Variants in GPR137B observed in about 807,000 individuals in gnomAD.
GPR137B encodes the protein integral membrane protein GPR137B.
A neutral mutation model predicts 42.5 loss-of-function variants in GPR137B; 42 were observed. The observed-to-expected ratio is 0.99, with a 90% CI of 0.77 to 1.28. The LOEUF (loss-of-function observed/expected upper bound fraction) is 1.28, where lower values mean the gene tolerates loss of function less well. GPR137B is among the 50% of genes most tolerant of loss of function. The pLI, the probability that GPR137B is intolerant of heterozygous loss-of-function variation, is 0.00. For synonymous variants in GPR137B, 218 were observed against 209.7 expected (o/e 1.04, Z -0.34); for missense variants, 487 against 493.9 (o/e 0.99, Z 0.13).
chr1:236,157,967 A>G (rs1558480889), intron 1 of GPR137B, among the ~76,000 whole-genome samples: 1 of 152,226 alleles, frequency 6.6e-6, no homozygotes, highest in African/African-American at 2.4e-5. Context: ...GTGCAAAACC[A>G]TACTGGACGG....
At position 236,155,698 on chromosome 1, in the gene GPR137B, G is replaced by A. The variant is rs541067114; in HGVS notation, c.414+12662G>A. 3.9e-5 allele frequency among the ~76,000 whole-genome samples: 6 copies of A among 152,294 alleles called. No homozygotes were observed. The highest frequency in any genetic ancestry group is 1.2e-4 in the African/African-American group (5 of 41,580). ...ATGAGGCTCAGGGAGGCTCTCGTGA[G>A]CCGATGGAGGGGTGGAGGAGGGGAG... On this transcript the variant is annotated intron_variant, in intron 1 of 6. Transcript: ENST00000366592. This position sits in a 1 kb window ranked among gnomAD's most constrained non-coding sequence, Gnocchi z 4.6.
chr1:236,176,518 C>T (rs538243228), intron 2 of GPR137B, among the ~76,000 whole-genome samples: 1 of 152,254 alleles, frequency 6.6e-6, no homozygotes, highest in Admixed American at 6.5e-5. Flanking sequence ...ATCTTCATCC[C>T]ACTCTCTCAG....
At chr1:236,172,196 C>T (rs1262715966) in intron 2 of GPR137B, among the ~76,000 whole-genome samples, 1 of 152,182 alleles carries the variant, frequency 6.6e-6, no homozygotes. Context: ...CCTGTGTAGG[C>T]ACATCTTTAG....
At chr1:236,149,660 T>C (rs886599812) in intron 1 of GPR137B, among the ~76,000 whole-genome samples, 4 of 152,244 alleles carry the variant, frequency 2.6e-5, no homozygotes, top group African/African-American at 9.6e-5. Context: ...GGGAAGCTTC[T>C]AGGCCTTTTG....
chr1:236,176,049 G>C (rs1378590549), intron 2 of GPR137B, among the ~76,000 whole-genome samples: 5 of 152,132 alleles, frequency 3.3e-5, no homozygotes, highest in African/African-American at 1.2e-4. Context: ...TAGGCACTTA[G>C]TGGGAGCCCG....
chr1:236,150,092 T>G lies in GPR137B; in HGVS notation c.414+7056T>G, dbSNP rs759566791. On this transcript the variant is annotated intron_variant, in intron 1 of 6. Coordinates refer to ENST00000366592, the MANE Select transcript of GPR137B (RefSeq NM_003272.4). This position sits in a 1 kb window ranked among gnomAD's most constrained non-coding sequence, Gnocchi z 6.2. ...GTGGGTCTCTGAGTGTCTGTGCATG[T>G]GTGTGTCTGTGCCTGTGTATGTCTG... Among the ~76,000 whole-genome samples the G allele has an allele frequency of 6.7e-6, 1 of 149,364 alleles. No homozygotes were observed. The highest frequency in any genetic ancestry group is 1.5e-5 in the Non-Finnish European group (1 of 67,180).
rs1663713841 is a variant in GPR137B at position 236,208,033 on chromosome 1, A to G, written c.1092-17A>G. ...ATATAATGTTTCAAGTCACTGAAATATTTTTTTCTTTTTAAGTTTTGCTCC... is the reference window on the plus strand; with the variant it reads ...ATATAATGTTTCAAGTCACTGAAATGTTTTTTTCTTTTTAAGTTTTGCTCC... On this transcript the variant is annotated splice_polypyrimidine_tract_variant and intron_variant, in intron 6 of 6. Coordinates refer to ENST00000366592, the MANE Select transcript of GPR137B (RefSeq NM_003272.4). The G allele has an allele frequency of 6.3e-7, 1 of 1,582,792 alleles. No homozygotes were observed. Among genetic ancestry groups the G allele is most frequent in the Admixed American group, 1.7e-5 (1 of 59,892 alleles).
intron 5 of GPR137B, among the ~76,000 whole-genome samples, chr1:236,187,935 C>T (rs1338413067): frequency 6.6e-6 from 1 of 152,136 alleles, no homozygotes; most frequent in Non-Finnish European, 1.5e-5. Flanking sequence ...TGGCCATTTT[C>T]ACAATATTGA....
At chr1:236,201,541 A>G (rs1380149005) in intron 5 of GPR137B, among the ~76,000 whole-genome samples, 1 of 151,684 alleles carries the variant, frequency 6.6e-6, no homozygotes, top group Non-Finnish European at 1.5e-5. Context: ...TTTCTTTTCT[A>G]CTTGATTCTA....
At chr1:236,200,715 C>G (rs1365624501) in intron 5 of GPR137B, among the ~76,000 whole-genome samples, 1 of 151,858 alleles carries the variant, frequency 6.6e-6, no homozygotes, top group Non-Finnish European at 1.5e-5. Context: ...ACCCCTTTAC[C>G]TTAAGTTTAT....
chr1:236,148,309 A>T (rs1278516085), intron 1 of GPR137B, among the ~76,000 whole-genome samples: 4 of 152,228 alleles, frequency 2.6e-5, no homozygotes, highest in Non-Finnish European at 5.9e-5. Context: ...CTGCAGGGGC[A>T]GAAGTTGATG....
intron 6 of GPR137B, chr1:236,207,037 TAAA>T (rs1188038008): frequency 2.0e-6 from 1 of 511,074 alleles, no homozygotes; most frequent in African/African-American, 2.1e-5. Context: ...GATGAAATGA[TAAA>T]AAATATATGC....
rs1414335164 is a variant in GPR137B at position 236,150,959 on chromosome 1, C to G, written c.414+7923C>G. On this transcript the variant is annotated intron_variant, in intron 1 of 6. Transcript: ENST00000366592. The surrounding 1 kb of genome is among the most constrained non-coding windows in gnomAD (Gnocchi z 6.2). ...AGGGGTCATGACAGTGAGGGGTGGGCTGCCCAGAGAGGAACATTTGCAAGA... is the reference window on the plus strand; with the variant it reads ...AGGGGTCATGACAGTGAGGGGTGGGGTGCCCAGAGAGGAACATTTGCAAGA... 6.6e-6 allele frequency among the ~76,000 whole-genome samples: 1 copy of G among 152,150 alleles called. No homozygotes were observed. Among genetic ancestry groups the G allele is most frequent in the Non-Finnish European group, 1.5e-5 (1 of 68,032 alleles).
intron 1 of GPR137B, among the ~76,000 whole-genome samples, chr1:236,160,246 C>T (rs1347384001): frequency 1.3e-5 from 2 of 152,154 alleles, no homozygotes; most frequent in Non-Finnish European, 2.9e-5. Flanking sequence ...CGGGGGAAGC[C>T]CTGAAAAACC....
chr1:236,158,860 C>T (rs905384299), intron 1 of GPR137B, among the ~76,000 whole-genome samples: 1 of 152,194 alleles, frequency 6.6e-6, no homozygotes, highest in Admixed American at 6.5e-5. Flanking sequence ...AGTAAAATGG[C>T]TGCAGAGATT....
chr1:236,192,775 G>C (rs1217133288), intron 5 of GPR137B, among the ~76,000 whole-genome samples: 2 of 145,302 alleles, frequency 1.4e-5, no homozygotes, highest in Non-Finnish European at 3.1e-5. Flanking sequence ...GACTGGAGCT[G>C]TTCCTATTCG....
At position 236,208,134 on chromosome 1, in the gene GPR137B, T is replaced by A; in HGVS notation, c.1176T>A (p.Asp392Glu). 3 of 1,613,940 alleles carry A rather than the reference T, an allele frequency of 1.9e-6. No individual in the cohort carries two copies. Among genetic ancestry groups the A allele is most frequent in the Non-Finnish European group, 1.7e-6 (2 of 1,179,828 alleles). ...GAACTTTGCAAGACTCAACTTTGGA[T>A]CCTGACAAACCAAGCCTTGGGTAGC... ...QAGTLQDSTL[D>E]PDKPSLG is the part of the protein sequence containing the mutation. Residue 392 changes from aspartate to glutamate, a missense_variant, in exon 7 of 7, where the codon GAT becomes GAA. Asp to Glu is a conservative substitution (Grantham distance 45). Coordinates refer to ENST00000366592, the MANE Select transcript of GPR137B (RefSeq NM_003272.4).
chr1:236,151,033 A>G (rs142998519), intron 1 of GPR137B, among the ~76,000 whole-genome samples: 8 of 152,182 alleles, frequency 5.3e-5, no homozygotes, highest in African/African-American at 1.7e-4. Flanking sequence ...GGGTTTTGCA[A>G]ACAACAAAGT....
At chr1:236,178,666 C>A in intron 3 of GPR137B, 30 bp downstream of exon 3, 2 of 1,327,586 alleles carry the variant, frequency 1.5e-6, no homozygotes, top group Admixed American at 1.7e-5. Flanking sequence ...AGATCCCTCC[C>A]ATGAAACGTG....
Sources: allele counts gnomAD v4.1 joint callset (sites outside exome capture counted in the v4.1 genomes callset), GRCh38; gene constraint gnomAD v4.1.1; non-coding constraint Gnocchi (gnomAD v3.1); transcripts MANE v1.5; gene names NCBI Gene and HGNC (gene_info 2026-07-23, HGNC 2026-07-21).